The following NWD2 variants were observed in gnomAD, a reference collection of about 807,000 sequenced individuals.
NWD2 encodes the protein NACHT and WD repeat domain-containing protein 2.
In NWD2, 37 loss-of-function variants were observed where a neutral mutation model predicts 132.7. The ratio of observed to expected loss-of-function variants is 0.28; its 90% CI spans 0.21 to 0.37. NWD2 has a LOEUF of 0.37. NWD2 is among the 10% of genes least tolerant of loss of function. The pLI is 1.00. For synonymous variants in NWD2, 705 were observed against 803.0 expected, an observed-to-expected ratio of 0.88 and a Z score of 2.06; for missense variants, 1,592 against 2,122.4, an observed-to-expected ratio of 0.75 and a Z score of 4.91.
intron 3 of NWD2, among the ~76,000 whole-genome samples, chr4:37,412,682 G>C (rs992816432): frequency 5.9e-5 from 6 of 102,102 alleles, no homozygotes; most frequent in Non-Finnish European, 1.1e-4. Flanking sequence ...CACAATCCTG[G>C]GCAAGAAAGA....
chr4:37,435,179 A>G (rs1184687258), intron 5 of NWD2, among the ~76,000 whole-genome samples: 2 of 152,228 alleles, frequency 1.3e-5, no homozygotes, highest in African/African-American at 2.4e-5. Flanking sequence ...TAGTAAAAGT[A>G]GTCAGATGTG....
At position 37,444,639 on chromosome 4, in the gene NWD2, C is replaced by T. The variant is rs371806771; in HGVS notation, c.2651C>T (p.Ser884Leu). The stretch of plus-strand genomic sequence containing the variant: ...GACATTGAGCTGGCTTACAACTACT[C>T]GCAAGAGAAGGAGCTGAAGTTCCTG... Reference protein sequence around the residue: ...LSDIELAYNYSQEKELKFLAN... With the variant: ...LSDIELAYNYLQEKELKFLAN... Residue 884 changes from serine to leucine, a missense_variant, in exon 7 of 7, where the codon TCG (serine) becomes TTG (leucine). Around this residue, in one of 7 missense-constraint regions of NWD2, gnomAD observed 1,071 missense variants for 1,398.0 expected, o/e 0.77. Transcript: ENST00000309447. The surrounding 1 kb of genome is among the most constrained non-coding windows in gnomAD (Gnocchi z 4.8). 238 of 1,552,148 alleles carry T rather than the reference C, an allele frequency of 1.5e-4. 1 individual carries two copies. In the African/African-American group the frequency reaches 2.2e-3, roughly 14 times the overall value.
intron 3 of NWD2, among the ~76,000 whole-genome samples, chr4:37,412,207 A>T (rs976169044): frequency 6.6e-6 from 1 of 152,224 alleles, no homozygotes; most frequent in Admixed American, 6.5e-5. Flanking sequence ...CTCTGTTTGC[A>T]GATGGCATGA....
chr4:37,445,411 A>T lies in NWD2; in HGVS notation c.3423A>T (p.Ser1141=). 6.4e-7 allele frequency: 1 copy of T among 1,551,962 alleles called. No homozygotes were observed. The highest frequency in any genetic ancestry group is 8.7e-7 in the Non-Finnish European group (1 of 1,147,048). ...EKLCTVTSEF[S]GGFVKFLLIL... is the part of the protein sequence containing the mutation. ...TATGTACAGTGACATCAGAATTTTC[A>T]GGTGGATTTGTGAAGTTTCTTCTTA... Residue 1141 remains serine (S), a synonymous_variant, in exon 7 of 7, where the codon TCA becomes TCT. Coordinates refer to ENST00000309447, the MANE Select transcript of NWD2 (RefSeq NM_001144990.2). This position sits in a 1 kb window ranked among gnomAD's most constrained non-coding sequence, Gnocchi z 4.7.
At chr4:37,385,371 T>C (rs13131217) in intron 3 of NWD2, among the ~76,000 whole-genome samples, 14,996 of 152,240 alleles carry the variant, frequency 0.099, 781 homozygotes, top group Middle Eastern at 0.21. Flanking sequence ...TTGGAAATCA[T>C]CAGGCAAGTG....
At chr4:37,263,073 A>T (rs947414788) in intron 1 of NWD2, among the ~76,000 whole-genome samples, 17 of 152,248 alleles carry the variant, frequency 1.1e-4, no homozygotes, top group African/African-American at 4.1e-4. Flanking sequence ...TCCTAGGTGA[A>T]TGTCACCTGT....
chr4:37,315,807 C>A (rs1384652510), intron 1 of NWD2, among the ~76,000 whole-genome samples: 1 of 151,932 alleles, frequency 6.6e-6, no homozygotes, highest in African/African-American at 2.4e-5. Flanking sequence ...TTTAGTATAT[C>A]ATTTTAATTA....
At chr4:37,260,001 G>A (rs1717596312) in intron 1 of NWD2, among the ~76,000 whole-genome samples, 1 of 152,130 alleles carries the variant, frequency 6.6e-6, no homozygotes. Context: ...ATGACTTTGG[G>A]GACAAGTTAG....
chr4:37,363,053 A>G (rs555919983), intron 3 of NWD2, among the ~76,000 whole-genome samples: 1 of 152,368 alleles, frequency 6.6e-6, no homozygotes, highest in South Asian at 2.1e-4. Flanking sequence ...GTATGAAAAA[A>G]ATGCTTATCA....
At chr4:37,402,379 G>T (rs960966254) in intron 3 of NWD2, among the ~76,000 whole-genome samples, 1 of 152,178 alleles carries the variant, frequency 6.6e-6, no homozygotes, top group African/African-American at 2.4e-5. Flanking sequence ...ATCAGGAATA[G>T]CGTCTTTTTC....
chr4:37,426,037 C>A (rs1169915842), intron 3 of NWD2, among the ~76,000 whole-genome samples: 1 of 152,226 alleles, frequency 6.6e-6, no homozygotes, highest in Non-Finnish European at 1.5e-5. Context: ...GACTTTGCAA[C>A]TGAGTTGGAC....
chr4:37,270,000 G>A (rs1272569801), intron 1 of NWD2, among the ~76,000 whole-genome samples: 1 of 151,738 alleles, frequency 6.6e-6, no homozygotes, highest in Admixed American at 6.6e-5. Context: ...ATTATTTGGT[G>A]TTGTTGGTCT....
At chr4:37,375,433 C>T (rs546737663) in intron 3 of NWD2, among the ~76,000 whole-genome samples, 2 of 152,254 alleles carry the variant, frequency 1.3e-5, no homozygotes, top group African/African-American at 2.4e-5. Flanking sequence ...AATCTTCTGC[C>T]ATAGGCATTA....
At position 37,444,171 on chromosome 4, in the gene NWD2, C is replaced by T. The variant is rs981570586; in HGVS notation, c.2183C>T (p.Thr728Ile). ...YLIERHVKNVTLLVWANRHLQ... is the reference protein window; with the variant it reads ...YLIERHVKNVILLVWANRHLQ... ...ATAGAAAGACATGTGAAAAATGTCACACTCCTAGTCTGGGCCAACAGACAC... is the reference window on the plus strand; with the variant it reads ...ATAGAAAGACATGTGAAAAATGTCATACTCCTAGTCTGGGCCAACAGACAC... Residue 728 changes from threonine (T) to isoleucine (I), a missense_variant, in exon 7 of 7, where the codon ACA becomes ATA. By Grantham distance (89) the Thr-to-Ile change is moderately conservative. Around this residue, in one of 7 missense-constraint regions of NWD2, gnomAD observed 1,071 missense variants for 1,398.0 expected, o/e 0.77. Coordinates refer to ENST00000309447, the MANE Select transcript of NWD2 (RefSeq NM_001144990.2). This position sits in a 1 kb window ranked among gnomAD's most constrained non-coding sequence, Gnocchi z 4.8. 7 of 1,551,720 alleles carry T rather than the reference C, an allele frequency of 4.5e-6. No homozygotes were observed. The Middle Eastern group carries it at 5.0e-4, about 111-fold the overall frequency.
At chr4:37,266,917 G>A (rs1335442700) in intron 1 of NWD2, among the ~76,000 whole-genome samples, 1 of 151,956 alleles carries the variant, frequency 6.6e-6, no homozygotes, top group Non-Finnish European at 1.5e-5. Context: ...AAGATATCTC[G>A]AGGCAGCTCA....
At chr4:37,286,152 A>G (rs1718226346) in intron 1 of NWD2, among the ~76,000 whole-genome samples, 1 of 152,260 alleles carries the variant, frequency 6.6e-6, no homozygotes, top group African/African-American at 2.4e-5. Context: ...TTTTATTGCT[A>G]CCTTTAAAAA....
chr4:37,292,759 T>A (rs1001082067), intron 1 of NWD2, among the ~76,000 whole-genome samples: 2 of 152,150 alleles, frequency 1.3e-5, no homozygotes, highest in Non-Finnish European at 2.9e-5. Flanking sequence ...CTGTTCCACC[T>A]CAGATCATCA....
chr4:37,327,184 T>C (rs1299776980), intron 2 of NWD2, among the ~76,000 whole-genome samples: 2 of 152,154 alleles, frequency 1.3e-5, no homozygotes, highest in Non-Finnish European at 2.9e-5. Flanking sequence ...TCAGTTACCA[T>C]AGAGGAAGAA....
At position 37,445,304 on chromosome 4, in the gene NWD2, T is replaced by C; in HGVS notation, c.3316T>C (p.Cys1106Arg). 1 of 1,552,064 alleles carries C rather than the reference T, an allele frequency of 6.4e-7. No homozygotes were observed. The highest frequency in any genetic ancestry group is 1.2e-5 in the South Asian group (1 of 84,066). Residue 1106 changes from cysteine (C) to arginine (R), a missense_variant, in exon 7 of 7, where the codon TGC becomes CGC. This residue lies in a region of NWD2 where 1,071 missense variants were observed against 1,398.0 expected (regional missense o/e 0.77). Coordinates refer to ENST00000309447, the MANE Select transcript of NWD2 (RefSeq NM_001144990.2). The surrounding 1 kb of genome is among the most constrained non-coding windows in gnomAD (Gnocchi z 4.7). ...CTGGTATGAAGTGACGTGCGTCCAG[T>C]GCTCCCTGGATGGTCTGTATGCTTT... Reference protein sequence around the residue: ...HCWYEVTCVQCSLDGLYAFCG... With the variant: ...HCWYEVTCVQRSLDGLYAFCG...
Sources: gnomAD v4.1 joint callset for allele counts (sites outside exome capture counted in the v4.1 genomes callset) on GRCh38, gnomAD v4.1.1 for gene constraint, gnomAD v4.1.1 regional missense constraint, Gnocchi (gnomAD v3.1) non-coding constraint, MANE v1.5 for transcripts, NCBI Gene and HGNC (gene_info 2026-07-23, HGNC 2026-07-21) for gene names.